CCDC91: variants seen among roughly 807,000 people sequenced by gnomAD.
CCDC91 encodes the protein coiled-coil domain containing 91, also known as coiled-coil domain-containing protein 91.
A neutral mutation model predicts 63.2 loss-of-function variants in CCDC91; 48 were observed. The ratio of observed to expected loss-of-function variants is 0.76; its 90% CI spans 0.60 to 0.97. The LOEUF (loss-of-function observed/expected upper bound fraction) is 0.97, where lower values mean the gene tolerates loss of function less well. Among genes scored for constraint, CCDC91 ranks in the 50% least tolerant of loss-of-function variants. CCDC91 has a pLI of 0.00. For missense variants in CCDC91, 500 were observed against 494.6 expected (o/e 1.01, Z -0.10); for synonymous variants, 167 against 165.8 (o/e 1.01, Z -0.06).
At chr12:28,543,343 C>G (rs1942764558) in intron 12 of CCDC91, among the ~76,000 whole-genome samples, 1 of 152,072 alleles carries the variant, frequency 6.6e-6, no homozygotes, top group South Asian at 2.1e-4. Flanking sequence ...TCCCACTGTT[C>G]TCTTACAAGA....
intron 8 of CCDC91, among the ~76,000 whole-genome samples, chr12:28,396,223 T>A (rs76277510): frequency 0.012 from 1,820 of 152,268 alleles, 39 homozygotes; most frequent in African/African-American, 0.042. Context: ...GAATTGCATA[T>A]TAAAAATCTT....
chr12:28,416,060 T>C (rs1245823425), intron 8 of CCDC91, among the ~76,000 whole-genome samples: 1 of 152,054 alleles, frequency 6.6e-6, no homozygotes, highest in East Asian at 1.9e-4. Context: ...TATATTTAGA[T>C]GAGGAGTCAG....
intron 8 of CCDC91, among the ~76,000 whole-genome samples, chr12:28,425,361 C>T (rs528231478): frequency 5.3e-4 from 81 of 152,224 alleles, no homozygotes; most frequent in Non-Finnish European, 3.1e-4. Flanking sequence ...TCCCCCTTCT[C>T]ACTCACTGTT....
intron 6 of CCDC91, among the ~76,000 whole-genome samples, chr12:28,333,098 A>G (rs552016411): frequency 5.9e-5 from 9 of 151,988 alleles, no homozygotes; most frequent in Admixed American, 2.0e-4. Context: ...GCAACTGAAA[A>G]TTTTTCCCAC....
rs1943201964 is a variant in CCDC91 at position 28,549,496 on chromosome 12, T to C, written c.*323T>C. ...ATAGCCTGTGGGAGTCTATTATATA[T>C]TATTTTGCAAAAGTAGTAAATATAT... On this transcript the variant is annotated 3_prime_UTR_variant, in exon 13 of 13. Coordinates refer to ENST00000536442, the MANE Select transcript of CCDC91 (RefSeq NM_018318.5). The C allele has an allele frequency of 6.0e-6, 1 of 165,548 alleles. No homozygotes were observed. The highest frequency in any genetic ancestry group is 1.8e-4 in the South Asian group (1 of 5,536). The allele number at this position is 165,548 out of a possible 1,614,324, so 10.3% of individuals were successfully genotyped here. A position where few individuals can be genotyped will look rare whatever the true frequency, so the allele number is the denominator to read the frequency against.
intron 3 of CCDC91, chr12:28,304,753 A>C: frequency 1.4e-6 from 1 of 724,618 alleles, no homozygotes; most frequent in Middle Eastern, 3.0e-4. Flanking sequence ...AATGGGCTGC[A>C]CCAAAAAGTG....
chr12:28,284,294 T>C (rs1423074643), intron 3 of CCDC91, among the ~76,000 whole-genome samples: 1 of 152,198 alleles, frequency 6.6e-6, no homozygotes, highest in Non-Finnish European at 1.5e-5. Context: ...TTCTGGACTG[T>C]CTAGCACCCT....
intron 8 of CCDC91, among the ~76,000 whole-genome samples, chr12:28,444,722 C>G (rs1481569883): frequency 6.6e-6 from 1 of 152,088 alleles, no homozygotes; most frequent in Non-Finnish European, 1.5e-5. Context: ...AAAGATAACT[C>G]TCGGGTACTG....
chr12:28,295,676 G>A (rs1949522618), intron 3 of CCDC91, among the ~76,000 whole-genome samples: 1 of 152,034 alleles, frequency 6.6e-6, no homozygotes, highest in South Asian at 2.1e-4. Context: ...AGATAAATGA[G>A]TCCAATAAAG....
intron 1 of CCDC91, among the ~76,000 whole-genome samples, chr12:28,194,844 C>T (rs4554927): frequency 0.26 from 39,530 of 150,604 alleles, 5,417 homozygotes; most frequent in Non-Finnish European, 0.31. Context: ...GTAAAGGTGG[C>T]GTGTCCGGAG....
At chr12:28,213,338 A>G (rs540269098) in intron 1 of CCDC91, among the ~76,000 whole-genome samples, 1 of 152,340 alleles carries the variant, frequency 6.6e-6, no homozygotes, top group African/African-American at 2.4e-5. Context: ...ACAAAGTGTG[A>G]CCCATGAAGA....
intron 8 of CCDC91, among the ~76,000 whole-genome samples, chr12:28,438,163 G>A (rs1949007100): frequency 6.6e-6 from 1 of 152,088 alleles, no homozygotes; most frequent in Non-Finnish European, 1.5e-5. Context: ...GCTATGGTAT[G>A]GATGTTTGTG....
At position 28,362,421 on chromosome 12, in the gene CCDC91, T is replaced by C; in HGVS notation, c.577-17T>C. 1.3e-6 allele frequency: 2 copies of C among 1,535,712 alleles called. No individual in the cohort carries two copies. Among genetic ancestry groups the C allele is most frequent in the African/African-American group, 2.8e-5 (2 of 72,218 alleles). Reference sequence around the variant, plus strand: ...ACAGAAGAAAAACTCATGGTTTTAGTTTCTTTTTTCTTTCAGGAAAAACAT... The same window carrying C: ...ACAGAAGAAAAACTCATGGTTTTAGCTTCTTTTTTCTTTCAGGAAAAACAT... On this transcript the variant is annotated splice_polypyrimidine_tract_variant and intron_variant, in intron 6 of 12. Transcript: ENST00000536442.
chr12:28,441,705 C>CAT (rs1372324697), intron 8 of CCDC91, among the ~76,000 whole-genome samples: 1 of 123,432 alleles, frequency 8.1e-6, no homozygotes, highest in Admixed American at 9.3e-5. Context: ...ATATCTCTCT[C>CAT]ATATATATAT....
chr12:28,259,224 T>C, intron 2 of CCDC91, 140 bp from the exon 3 acceptor site: 1 of 637,550 alleles, frequency 1.6e-6, no homozygotes, highest in South Asian at 2.0e-5. Context: ...GAGTTAAGAC[T>C]GAAAAGCAGT....
intron 8 of CCDC91, among the ~76,000 whole-genome samples, chr12:28,441,076 AAAAAAAAAG>A (rs1949173881): frequency 4.8e-5 from 1 of 20,716 alleles, no homozygotes; most frequent in Non-Finnish European, 1.1e-4. Flanking sequence ...AAAAAAAAAA[AAAAAAAAAG>A]AAAAGAAAAA....
At chr12:28,237,942 A>G (rs1945075893) in intron 1 of CCDC91, among the ~76,000 whole-genome samples, 1 of 152,140 alleles carries the variant, frequency 6.6e-6, no homozygotes, top group African/African-American at 2.4e-5. Context: ...CACAGCTTTA[A>G]TATCAGCTCC....
intron 11 of CCDC91, among the ~76,000 whole-genome samples, chr12:28,461,120 A>G (rs1461943500): frequency 1.3e-5 from 2 of 152,088 alleles, no homozygotes; most frequent in East Asian, 3.9e-4. Context: ...AAACAAAAAA[A>G]AAGAACAGTA....
chr12:28,469,151 T>A (rs1233372699), intron 11 of CCDC91, among the ~76,000 whole-genome samples: 2 of 152,010 alleles, frequency 1.3e-5, no homozygotes, highest in African/African-American at 2.4e-5. Context: ...AAATTATAAT[T>A]ATTTTTTTTG....
Sources: allele counts gnomAD v4.1 joint callset (sites outside exome capture counted in the v4.1 genomes callset), GRCh38; gene constraint gnomAD v4.1.1; transcripts MANE v1.5; gene names NCBI Gene and HGNC (gene_info 2026-07-23, HGNC 2026-07-21).